KCNJ15: variants seen among roughly 807,000 people sequenced by gnomAD.
KCNJ15 encodes ATP-sensitive inward rectifier potassium channel 15.
Under a neutral mutation model 23.0 loss-of-function variants are expected in KCNJ15, and 14 were observed. That is an observed-to-expected ratio of 0.61 (90% CI 0.40 to 0.95). The LOEUF (loss-of-function observed/expected upper bound fraction) is 0.95, where lower values mean the gene tolerates loss of function less well. KCNJ15 is among the 40% of genes least tolerant of loss of function. The pLI, the probability that KCNJ15 is intolerant of heterozygous loss-of-function variation, is 0.00. For synonymous variants in KCNJ15, 185 were observed against 183.2 expected (o/e 1.01, Z -0.08); for missense variants, 388 against 461.8 (o/e 0.84, Z 1.46).
chr21:38,250,945 G>A (rs1368830667), intron 1 of KCNJ15, among the ~76,000 whole-genome samples: 2 of 152,162 alleles, frequency 1.3e-5, no homozygotes, highest in African/African-American at 4.8e-5. Flanking sequence ...CTGGCCATCT[G>A]GTAGAGATAG....
At chr21:38,252,126 G>C (rs556484310), upstream of KCNJ15, among the ~76,000 whole-genome samples, 1 of 152,340 alleles carries the variant, frequency 6.6e-6, no homozygotes, top group African/African-American at 2.4e-5. Flanking sequence ...TAAACTCCAT[G>C]AGGCTAAGGC....
At chr21:38,232,797 A>G (rs1238728464) in intron 1 of KCNJ15, among the ~76,000 whole-genome samples, 2 of 151,832 alleles carry the variant, frequency 1.3e-5, no homozygotes, top group African/African-American at 2.4e-5. Flanking sequence ...TTTGATTCCA[A>G]TGTCATTGGA....
chr21:38,246,958 A>G (rs1979413580), intron 1 of KCNJ15, among the ~76,000 whole-genome samples: 1 of 152,234 alleles, frequency 6.6e-6, no homozygotes, highest in South Asian at 2.1e-4. Flanking sequence ...AAGAGAGAGG[A>G]AAAGTCATTT....
chr21:38,237,226 G>A (rs1003022375), intron 1 of KCNJ15: 1 of 152,214 alleles, frequency 6.6e-6, no homozygotes, highest in Non-Finnish European at 1.5e-5. Flanking sequence ...AGAAAGTATG[G>A]AAAGGTTTAT....
chr21:38,254,500 A>G (rs1458663264), upstream of KCNJ15, among the ~76,000 whole-genome samples: 1 of 152,218 alleles, frequency 6.6e-6, no homozygotes, highest in Non-Finnish European at 1.5e-5. Context: ...TATCTGCTCC[A>G]CTGTGTATGG....
At chr21:38,256,360 T>TTATATATATATA (rs56679003), upstream of KCNJ15, among the ~76,000 whole-genome samples, 15,823 of 105,486 alleles carry the variant, frequency 0.15, 1,579 homozygotes, top group Non-Finnish European at 0.2. Context: ...TCTATTCAGC[T>TTATATATATATA]TATATATATA....
chr21:38,234,026 T>C (rs1978438945), intron 1 of KCNJ15, among the ~76,000 whole-genome samples: 1 of 152,238 alleles, frequency 6.6e-6, no homozygotes, highest in Non-Finnish European at 1.5e-5. Flanking sequence ...ATTTATTTCC[T>C]GTGCATTCAG....
In KCNJ15 at chr21:38,244,970, A is replaced by C. The variant is rs116925294; in HGVS notation, c.-398-12076A>C. ...AGGATCAGCTAAAGGAATTGGACAC[A>C]TCCTGAGCTAGTTAACACATGGGTA... is the stretch of plus-strand genomic sequence containing the variant. On this transcript the variant is annotated intron_variant, in intron 1 of 4. Coordinates refer to the KCNJ15 transcript ENST00000547341. Among the ~76,000 whole-genome samples, 19 of 152,256 alleles carry C rather than the reference A, an allele frequency of 1.2e-4. No homozygotes were observed. The East Asian group carries it at 3.7e-3, about 29-fold the overall frequency.
intron 1 of KCNJ15, among the ~76,000 whole-genome samples, chr21:38,239,442 G>A (rs719838): frequency 0.36 from 55,431 of 152,042 alleles, 11,739 homozygotes; most frequent in East Asian, 0.75. Context: ...TGCGTTCTGC[G>A]AAGCCTCTTC....
At chr21:38,246,053 C>T (rs890555141) in intron 1 of KCNJ15, among the ~76,000 whole-genome samples, 2 of 152,230 alleles carry the variant, frequency 1.3e-5, no homozygotes, top group Admixed American at 1.3e-4. Context: ...ACCTGTCTTA[C>T]ATACTCTGAT....
chr21:38,268,865 C>T (rs1981780565), intron 1 of KCNJ15: 1 of 152,312 alleles, frequency 6.6e-6, no homozygotes, highest in African/African-American at 2.4e-5. Context: ...GCCACCCTCC[C>T]ACTGTTCCCC....
upstream of KCNJ15, among the ~76,000 whole-genome samples, chr21:38,253,899 A>G (rs951746825): frequency 6.6e-6 from 1 of 152,192 alleles, no homozygotes; most frequent in Non-Finnish European, 1.5e-5. Context: ...AAAGAAGTAA[A>G]CACAACTTAC....
At chr21:38,245,096 G>A (rs1444285543) in intron 1 of KCNJ15, among the ~76,000 whole-genome samples, 2 of 151,938 alleles carry the variant, frequency 1.3e-5, no homozygotes, top group Admixed American at 6.6e-5. Context: ...TACAGGCGCC[G>A]TCATCACAGG....
At chr21:38,289,351 A>G (rs1256681802) in intron 1 of KCNJ15, among the ~76,000 whole-genome samples, 1 of 152,214 alleles carries the variant, frequency 6.6e-6, no homozygotes, top group East Asian at 1.9e-4. Context: ...GTTTTGAGCC[A>G]TCTTCTCCTC....
In KCNJ15 at chr21:38,304,441, A is replaced by G. The variant is rs1239529220; in HGVS notation, c.*4052A>G. On this transcript the variant is annotated 3_prime_UTR_variant, in exon 3 of 3. Transcript: ENST00000398938. ...TTTTATCATAGCTTTCCATGATGTA[A>G]TTTTTTAAGCGAAAGGTACTAACAT... 1 of 151,478 alleles carries G rather than the reference A, an allele frequency of 6.6e-6. No homozygotes were observed. Among genetic ancestry groups the G allele is most frequent in the African/African-American group, 2.4e-5 (1 of 41,188 alleles). 9.4% of individuals were successfully genotyped at this position (151,478 alleles called of 1,614,324 possible).
At chr21:38,272,003 G>C (rs891512064) in intron 1 of KCNJ15, among the ~76,000 whole-genome samples, 4 of 152,316 alleles carry the variant, frequency 2.6e-5, no homozygotes, top group Admixed American at 1.3e-4. Flanking sequence ...GACCATGACA[G>C]TTTTAAGAAT....
At chr21:38,260,953 C>T (rs1047129766) in intron 1 of KCNJ15, among the ~76,000 whole-genome samples, 11 of 152,194 alleles carry the variant, frequency 7.2e-5, no homozygotes, top group Admixed American at 1.3e-4. Context: ...GTGTAGGCCA[C>T]TCATTCCCTC....
chr21:38,274,942 G>A (rs1467103586), intron 1 of KCNJ15, among the ~76,000 whole-genome samples: 3 of 151,890 alleles, frequency 2.0e-5, no homozygotes, highest in Non-Finnish European at 4.4e-5. Context: ...TTACCTCTAG[G>A]TACAATGATT....
At chr21:38,286,018 C>A (rs1010890309) in intron 1 of KCNJ15, among the ~76,000 whole-genome samples, 1 of 151,974 alleles carries the variant, frequency 6.6e-6, no homozygotes, top group Non-Finnish European at 1.5e-5. Context: ...CCGAGGCGGG[C>A]GGATCACGAG....
Sources: gnomAD v4.1 joint callset for allele counts (sites outside exome capture counted in the v4.1 genomes callset) on GRCh38, gnomAD v4.1.1 for gene constraint, MANE v1.5 for transcripts, NCBI Gene and HGNC (gene_info 2026-07-23, HGNC 2026-07-21) for gene names.